The following BLTP3A variants were observed in gnomAD, a reference collection of about 807,000 sequenced individuals.
The protein encoded by BLTP3A is bridge-like lipid transfer protein family member 3A.
the BLTP3A span, among the ~76,000 whole-genome samples, chr6:34,806,636 T>TGTTTGAGGAAGATATATG: frequency 6.6e-6 from 1 of 152,178 alleles, no homozygotes; most frequent in Admixed American, 6.5e-5. Flanking sequence ...TCTAAATAGC[T>TGTTTGAGGAAGATATATG]CTTTGAGGCA....
chr6:34,862,559 G>C, the BLTP3A span, among the ~76,000 whole-genome samples: 1 of 152,028 alleles, frequency 6.6e-6, no homozygotes. Context: ...TAGTGGCTGG[G>C]CGCGGTGGCT....
chr6:34,811,715 C>T, the BLTP3A span, among the ~76,000 whole-genome samples: 1 of 137,308 alleles, frequency 7.3e-6, no homozygotes, highest in Non-Finnish European at 1.6e-5. Context: ...AAAAATTTGC[C>T]GGGCATGGTG....
the BLTP3A span, among the ~76,000 whole-genome samples, chr6:34,828,160 C>A: frequency 1.1e-4 from 17 of 151,734 alleles, no homozygotes; most frequent in African/African-American, 3.9e-4. Context: ...AAAAATATAT[C>A]CTGGAAAGCC....
the BLTP3A span, among the ~76,000 whole-genome samples, chr6:34,857,163 G>A: frequency 6.6e-6 from 1 of 152,174 alleles, no homozygotes; most frequent in Non-Finnish European, 1.5e-5. Context: ...ACTAACTCGC[G>A]TATAGTGCGA....
chr6:34,804,770 A>G, the BLTP3A span, among the ~76,000 whole-genome samples: 25 of 152,198 alleles, frequency 1.6e-4, no homozygotes, highest in African/African-American at 4.8e-4. Context: ...AACATCTCCA[A>G]ACCTCTACAC....
At chr6:34,798,078 C>T in the BLTP3A span, among the ~76,000 whole-genome samples, 1 of 152,162 alleles carries the variant, frequency 6.6e-6, no homozygotes, top group Non-Finnish European at 1.5e-5. Context: ...CAGTCATTAT[C>T]TCCACCAAAG....
At chr6:34,858,901 C>A in the BLTP3A span, 204 of 1,614,164 alleles carry the variant, frequency 1.3e-4, 1 homozygote, top group African/African-American at 2.5e-3. Flanking sequence ...GCAGAGGCTT[C>A]AGGAGCAGCT....
the BLTP3A span, among the ~76,000 whole-genome samples, chr6:34,843,730 A>G: frequency 6.6e-6 from 1 of 152,226 alleles, no homozygotes; most frequent in African/African-American, 2.4e-5. Context: ...TCCTGGGCAT[A>G]CTGATTTCAT....
chr6:34,868,762 G>A, the BLTP3A span, among the ~76,000 whole-genome samples: 82 of 150,396 alleles, frequency 5.5e-4, no homozygotes, highest in African/African-American at 1.8e-3. Flanking sequence ...GTGGCGGTGC[G>A]TGCCTATAGT....
At chr6:34,820,966 T>TA in the BLTP3A span, among the ~76,000 whole-genome samples, 1 of 149,340 alleles carries the variant, frequency 6.7e-6, no homozygotes, top group East Asian at 2.0e-4. Flanking sequence ...GTCTGTTTTT[T>TA]TTTTTTTGAG....
chr6:34,858,247 C>T, the BLTP3A span: 3 of 1,614,100 alleles, frequency 1.9e-6, no homozygotes, highest in African/African-American at 1.3e-5. Context: ...TTGTTCAGAC[C>T]TCCAGAGTCT....
At chr6:34,824,676 T>G in the BLTP3A span, among the ~76,000 whole-genome samples, 1 of 151,836 alleles carries the variant, frequency 6.6e-6, no homozygotes, top group Non-Finnish European at 1.5e-5. Flanking sequence ...TCTTTTTTCT[T>G]TTTTTTGGTT....
At chr6:34,839,412 AGTT>A in the BLTP3A span, among the ~76,000 whole-genome samples, 1 of 152,164 alleles carries the variant, frequency 6.6e-6, no homozygotes, top group African/African-American at 2.4e-5. Context: ...GATTTTCTGG[AGTT>A]GTTCTGTCCA....
At chr6:34,818,428 C>T in the BLTP3A span, among the ~76,000 whole-genome samples, 1 of 151,562 alleles carries the variant, frequency 6.6e-6, no homozygotes, top group African/African-American at 2.4e-5. Flanking sequence ...ATGATGGTAC[C>T]ACTGCACTCC....
chr6:34,796,416 A>G, the BLTP3A span, among the ~76,000 whole-genome samples: 1 of 152,204 alleles, frequency 6.6e-6, no homozygotes, highest in Non-Finnish European at 1.5e-5. Flanking sequence ...GAAGAAATAT[A>G]AATGCCTTTT....
At chr6:34,799,355 T>C in the BLTP3A span, among the ~76,000 whole-genome samples, 2 of 152,142 alleles carry the variant, frequency 1.3e-5, no homozygotes, top group Non-Finnish European at 2.9e-5. Context: ...CCAGGCATGG[T>C]GGTTCACACC....
At chr6:34,870,154 TTTTG>T in the BLTP3A span, among the ~76,000 whole-genome samples, 94 of 152,284 alleles carry the variant, frequency 6.2e-4, no homozygotes, top group African/African-American at 2.0e-3. Flanking sequence ...TATTTCTAGT[TTTTG>T]TTTGTTTGTT....
the BLTP3A span, among the ~76,000 whole-genome samples, chr6:34,812,841 C>T: frequency 6.6e-6 from 1 of 152,136 alleles, no homozygotes; most frequent in Non-Finnish European, 1.5e-5. Context: ...GATGAAATGG[C>T]ATTAGCTATA....
the BLTP3A span, among the ~76,000 whole-genome samples, chr6:34,870,343 A>T: frequency 6.6e-6 from 1 of 152,216 alleles, no homozygotes. Context: ...AAATGTTTGT[A>T]CCAATTTGCA....
Sources: allele counts gnomAD v4.1 joint callset (sites outside exome capture counted in the v4.1 genomes callset), GRCh38; gene constraint gnomAD v4.1.1; transcripts MANE v1.5; gene names NCBI Gene and HGNC (gene_info 2026-07-23, HGNC 2026-07-21).